Variants in LAPTM4B observed in about 807,000 individuals in gnomAD.
LAPTM4B encodes lysosomal-associated transmembrane protein 4B.
A neutral mutation model predicts 28.5 loss-of-function variants in LAPTM4B; 26 were observed. The ratio of observed to expected loss-of-function variants is 0.91; its 90% CI spans 0.67 to 1.27. LAPTM4B has a LOEUF of 1.27. Among genes scored for constraint, LAPTM4B ranks in the 50% most tolerant of loss-of-function variants. LAPTM4B has a pLI of 0.00. For synonymous variants in LAPTM4B, 109 were observed against 106.4 expected, an observed-to-expected ratio of 1.02 and a Z score of -0.15; for missense variants, 288 against 285.8, an observed-to-expected ratio of 1.01 and a Z score of -0.06.
intron 5 of LAPTM4B, among the ~76,000 whole-genome samples, chr8:97,821,709 G>A (rs1411830614): frequency 6.6e-6 from 1 of 152,160 alleles, no homozygotes; most frequent in African/African-American, 2.4e-5. Context: ...CAAGGGGCCA[G>A]CGAGTCTGGA....
At chr8:97,794,631 T>G (rs892878704) in intron 1 of LAPTM4B, among the ~76,000 whole-genome samples, 1 of 152,222 alleles carries the variant, frequency 6.6e-6, no homozygotes, top group East Asian at 1.9e-4. Flanking sequence ...GAGAGTCTGA[T>G]TGAAACTTCC....
chr8:97,836,037 G>A (rs894179016), intron 6 of LAPTM4B, among the ~76,000 whole-genome samples: 13 of 152,210 alleles, frequency 8.5e-5, no homozygotes, highest in African/African-American at 3.1e-4. Context: ...TTGATCTGGG[G>A]TGGAAGAGTT....
chr8:97,839,868 T>C (rs1436788481), intron 6 of LAPTM4B, among the ~76,000 whole-genome samples: 1 of 152,204 alleles, frequency 6.6e-6, no homozygotes, highest in African/African-American at 2.4e-5. Flanking sequence ...TTTCTGGGAA[T>C]GTATTTCCCT....
chr8:97,831,376 AG>A (rs1817180615), intron 6 of LAPTM4B, among the ~76,000 whole-genome samples: 1 of 152,198 alleles, frequency 6.6e-6, no homozygotes, highest in Non-Finnish European at 1.5e-5. Context: ...CTCGGAACAT[AG>A]GTGTGAAATC....
intron 2 of LAPTM4B, among the ~76,000 whole-genome samples, chr8:97,814,754 C>G (rs751324312): frequency 4.2e-5 from 5 of 119,666 alleles, no homozygotes; most frequent in Non-Finnish European, 7.7e-5. Flanking sequence ...AGTGCAGTGG[C>G]GCGATCTCGG....
intron 5 of LAPTM4B, among the ~76,000 whole-genome samples, chr8:97,821,509 C>CT (rs1450316653): frequency 6.6e-6 from 1 of 152,064 alleles, no homozygotes; most frequent in African/African-American, 2.4e-5. Flanking sequence ...TATTGGTAAT[C>CT]AAACAAAGAA....
intron 6 of LAPTM4B, among the ~76,000 whole-genome samples, chr8:97,842,279 C>A (rs575025185): frequency 2.6e-5 from 4 of 152,048 alleles, no homozygotes; most frequent in Middle Eastern, 3.4e-3. Context: ...TTAAAAACTT[C>A]TTAGCTCCCA....
chr8:97,784,532 C>T (rs1182808506), intron 1 of LAPTM4B, among the ~76,000 whole-genome samples: 4 of 152,120 alleles, frequency 2.6e-5, no homozygotes, highest in South Asian at 2.1e-4. Context: ...CTCTGCCTCC[C>T]GGGTTCAAGC....
At chr8:97,847,025 T>C (rs1817444373) in intron 6 of LAPTM4B, among the ~76,000 whole-genome samples, 1 of 152,240 alleles carries the variant, frequency 6.6e-6, no homozygotes, top group South Asian at 2.1e-4. Flanking sequence ...TCTGAATCTT[T>C]GTTAAGTTGA....
intron 2 of LAPTM4B, among the ~76,000 whole-genome samples, chr8:97,812,227 G>GTTTTTT (rs55878345): frequency 3.4e-5 from 3 of 89,096 alleles, no homozygotes; most frequent in Admixed American, 1.1e-4. Context: ...GTTGTTTTTT[G>GTTTTTT]TTTTTTTTTT....
chr8:97,851,762 T>C lies in LAPTM4B; in HGVS notation c.*288T>C, dbSNP rs1348870902. ...CCCCCAAATCTGATGGACCTAGAAG[T>C]CTGCTTTTGTACCTGCTGGGCCCCA... On this transcript the variant is annotated 3_prime_UTR_variant, in exon 7 of 7. Transcript: ENST00000521545. 2.7e-6 allele frequency: 1 copy of C among 375,994 alleles called. No individual in the cohort carries two copies. Among genetic ancestry groups the C allele is most frequent in the African/African-American group, 2.1e-5 (1 of 48,270 alleles). 23.3% of individuals were successfully genotyped at this position (375,994 alleles called of 1,614,324 possible). A position where few individuals can be genotyped will look rare whatever the true frequency, so the allele number is the denominator to read the frequency against.
chr8:97,780,086 A>G (rs774016386), intron 1 of LAPTM4B, among the ~76,000 whole-genome samples: 1 of 149,908 alleles, frequency 6.7e-6, no homozygotes, highest in Non-Finnish European at 1.5e-5. Context: ...AAAATAAAGA[A>G]TAATAATAAT....
rs201378323 is a variant in LAPTM4B, at chr8:97,789,529, T to TTG, written c.99+13422_99+13423insGT. On this transcript the variant is annotated intron_variant, in intron 1 of 6. Coordinates refer to ENST00000521545, the MANE Select transcript of LAPTM4B (RefSeq NM_018407.6). The stretch of plus-strand genomic sequence containing the variant: ...ATACCCTACCATACCTGGCTAATTT[T>TTG]TTTTTTTTTTTTTGAGAGACGGAGA... 1.5e-4 allele frequency among the ~76,000 whole-genome samples: 22 copies of TTG among 148,550 alleles called. 1 individual carries two copies. Among genetic ancestry groups the TTG allele is most frequent in the African/African-American group, 5.7e-4 (22 of 38,604 alleles).
At chr8:97,817,969 A>G (rs1276352187) in intron 4 of LAPTM4B, among the ~76,000 whole-genome samples, 1 of 150,850 alleles carries the variant, frequency 6.6e-6, no homozygotes, top group African/African-American at 2.4e-5. Flanking sequence ...ATGCACCACC[A>G]TGCCCGGCTA....
At chr8:97,804,715 A>T (rs1000243181) in intron 1 of LAPTM4B, among the ~76,000 whole-genome samples, 3 of 152,164 alleles carry the variant, frequency 2.0e-5, no homozygotes, top group African/African-American at 7.2e-5. Context: ...CAGAAGTGGG[A>T]GATGTTAAAG....
At chr8:97,780,584 A>G (rs1816293450) in intron 1 of LAPTM4B, among the ~76,000 whole-genome samples, 2 of 152,154 alleles carry the variant, frequency 1.3e-5, no homozygotes, top group South Asian at 2.1e-4. Context: ...AGTGTCATGT[A>G]CTTTACTAGA....
In LAPTM4B at chr8:97,805,339, T is replaced by TTTC; in HGVS notation, c.100-12_100-11insCTT. The TTTC allele has an allele frequency of 1.5e-6, 2 of 1,333,168 alleles. No individual in the cohort carries two copies. The highest frequency in any genetic ancestry group is 1.1e-6 in the Non-Finnish European group (1 of 950,416). The allele number at this position is 1,333,168 out of a possible 1,614,324, so 82.6% of individuals were successfully genotyped here. On this transcript the variant is annotated splice_polypyrimidine_tract_variant and intron_variant, in intron 1 of 6. Coordinates refer to ENST00000521545, the MANE Select transcript of LAPTM4B (RefSeq NM_018407.6). Reference sequence around the variant, plus strand: ...TACTTAAATTCTTTTTTTTTTTTTTTTTTCTTGTTGCAGATCATCAATGCT... The same window carrying TTTC: ...TACTTAAATTCTTTTTTTTTTTTTTTTTCTTTCTTGTTGCAGATCATCAATGCT...
chr8:97,789,191 A>G (rs544804074), intron 1 of LAPTM4B, among the ~76,000 whole-genome samples: 6 of 151,580 alleles, frequency 4.0e-5, no homozygotes, highest in East Asian at 2.0e-4. Flanking sequence ...GTCCTGCCTC[A>G]GCCTCCCAAG....
At chr8:97,815,838 G>C (rs1315991253) in intron 3 of LAPTM4B, among the ~76,000 whole-genome samples, 4 of 152,218 alleles carry the variant, frequency 2.6e-5, no homozygotes, top group South Asian at 2.1e-4. Context: ...AAAATGCTGG[G>C]ATTACAGGTG....
Sources: allele counts gnomAD v4.1 joint callset (sites outside exome capture counted in the v4.1 genomes callset), GRCh38; gene constraint gnomAD v4.1.1; transcripts MANE v1.5; gene names NCBI Gene and HGNC (gene_info 2026-07-23, HGNC 2026-07-21).